The following NEMP1 variants were observed in gnomAD, a reference collection of about 807,000 sequenced individuals.
NEMP1 encodes the protein transmembrane protein 194.
A neutral mutation model predicts 53.7 loss-of-function variants in NEMP1; 29 were observed. The observed-to-expected ratio is 0.54, with a 90% CI of 0.40 to 0.74. NEMP1 has a LOEUF of 0.74. Ranked by LOEUF, NEMP1 falls within the 30% of genes least tolerant of loss-of-function variation. The pLI, the probability that NEMP1 is intolerant of heterozygous loss-of-function variation, is 0.00. For missense variants in NEMP1, 477 were observed against 528.6 expected (o/e 0.90, Z 0.96); for synonymous variants, 193 against 192.9 (o/e 1.00, Z 0.00).
In NEMP1 at chr12:57,063,198, T is replaced by C. The variant is rs1183479557; in HGVS notation, c.901A>G (p.Ile301Val). 3.1e-6 allele frequency: 5 copies of C among 1,614,048 alleles called. No individual in the cohort carries two copies. The African/African-American group carries it at 4.0e-5, about 13-fold the overall frequency. The part of the protein sequence containing the change: ...FMYSGIQIPH[I>V]ALAIIIIALC... ...GCAATGATGATAATGGCAAGGGCAA[T>C]ATGTGGTATCTGGATGCCAGAATAC... Residue 301 changes from isoleucine (I) to valine (V), a missense_variant, in exon 7 of 9, where the codon ATT becomes GTT. Transcript: ENST00000300128.
At chr12:57,086,207 G>C (rs1204110381) in intron 1 of NEMP1, among the ~76,000 whole-genome samples, 1 of 152,170 alleles carries the variant, frequency 6.6e-6, no homozygotes, top group African/African-American at 2.4e-5. Context: ...GCGTAGGGAC[G>C]ACAGTCTCTG....
intron 5 of NEMP1, 105 bp downstream of exon 5, chr12:57,064,541 C>T: frequency 1.3e-6 from 1 of 769,472 alleles, no homozygotes; most frequent in Non-Finnish European, 2.1e-6. Context: ...GATATTGACT[C>T]ATCAGCCATC....
At chr12:57,087,696 T>C (rs779593112) in intron 1 of NEMP1, among the ~76,000 whole-genome samples, 22 of 151,856 alleles carry the variant, frequency 1.4e-4, no homozygotes, top group Non-Finnish European at 2.7e-4. Flanking sequence ...CTAGGCCACA[T>C]TGTAAAACCA....
intron 7 of NEMP1, among the ~76,000 whole-genome samples, chr12:57,061,978 A>G (rs778478794): frequency 8.6e-5 from 13 of 152,032 alleles, no homozygotes; most frequent in Non-Finnish European, 1.9e-4. Flanking sequence ...CAGCCTGGTG[A>G]CAGAGCAAGA....
At position 57,058,598 on chromosome 12, in the gene NEMP1, T is replaced by G. The variant is rs1009252095; in HGVS notation, c.*1281A>C. 6.6e-6 allele frequency: 1 copy of G among 152,238 alleles called. No individual in the cohort carries two copies. The highest frequency in any genetic ancestry group is 6.5e-5 in the Admixed American group (1 of 15,286). The allele number at this position is 152,238 out of a possible 1,614,324, so 9.4% of individuals were successfully genotyped here. ...AATGCTACTGCAATAACAGGCAGCA[T>G]ACATCTCAGGTCAGAAACGCAATCA... On this transcript the variant is annotated 3_prime_UTR_variant, in exon 9 of 9. Coordinates refer to ENST00000300128, the MANE Select transcript of NEMP1 (RefSeq NM_001130963.2).
chr12:57,072,710 A>G (rs1346699352), intron 2 of NEMP1, 78 bp downstream of exon 2: 132 of 1,451,806 alleles, frequency 9.1e-5, no homozygotes, highest in Non-Finnish European at 1.5e-5. Context: ...GTGAAGGGGA[A>G]GAAAGTGTCA....
upstream of NEMP1, among the ~76,000 whole-genome samples, chr12:57,082,022 G>C (rs930751585): frequency 2.0e-5 from 3 of 151,788 alleles, no homozygotes; most frequent in African/African-American, 7.3e-5. Flanking sequence ...TTCAAGACCA[G>C]CCTGGCCACC....
At chr12:57,072,580 C>A (rs1177644987) in intron 2 of NEMP1, among the ~76,000 whole-genome samples, 1 of 152,058 alleles carries the variant, frequency 6.6e-6, no homozygotes. Flanking sequence ...CTTAGAATAC[C>A]GTAATCTACT....
At chr12:57,083,616 T>C (rs1260503815), upstream of NEMP1, among the ~76,000 whole-genome samples, 4 of 152,136 alleles carry the variant, frequency 2.6e-5, no homozygotes, top group Non-Finnish European at 5.9e-5. Flanking sequence ...ATCAAACAAA[T>C]TAATATTTCT....
rs1392014641 is a variant in NEMP1, at chr12:57,063,162, T to C, written c.937A>G (p.Lys313Glu). 1.2e-6 allele frequency: 2 copies of C among 1,614,010 alleles called. No homozygotes were observed. The highest frequency in any genetic ancestry group is 1.7e-6 in the Non-Finnish European group (2 of 1,180,020). ...CACTGAATAGGGTGTTCCAGGTTCT[T>C]AGTACAAAGAGCAATGATGATAATG... Reference protein sequence around the residue: ...LAIIIIALCTKNLEHPIQWLY... With the variant: ...LAIIIIALCTENLEHPIQWLY... Residue 313 changes from lysine (K) to glutamate (E), a missense_variant, in exon 7 of 9, where the codon AAG (lysine) becomes GAG (glutamate). Coordinates refer to ENST00000300128, the MANE Select transcript of NEMP1 (RefSeq NM_001130963.2).
chr12:57,073,026 C>A (rs1381792621), intron 1 of NEMP1, 114 bp from the exon 2 acceptor site: 2 of 879,440 alleles, frequency 2.3e-6, no homozygotes, highest in South Asian at 2.7e-5. Context: ...AAACATTAGC[C>A]AGACTGAGAA....
Position 57,069,240 on chromosome 12 carries a change from A to G in NEMP1, c.539T>C (p.Leu180Pro). The G allele has an allele frequency of 6.5e-7, 1 of 1,546,986 alleles. No homozygotes were observed. The highest frequency in any genetic ancestry group is 8.7e-7 in the Non-Finnish European group (1 of 1,145,580). Residue 180 changes from leucine (L) to proline (P), a missense_variant, in exon 4 of 9, where the codon CTG becomes CCG. Physicochemically the swap from Leu to Pro is moderately conservative, Grantham distance 98. Transcript: ENST00000300128. ...CACTAGCCTTGGAACCTACCTGCTCAGCAAGTCTCCACAAAAAAATAGCAT... is the reference window on the plus strand; with the variant it reads ...CACTAGCCTTGGAACCTACCTGCTCGGCAAGTCTCCACAAAAAAATAGCAT... Reference protein sequence around the residue: ...GLMLFFCGDLLSRSQIFYYST... With the variant: ...GLMLFFCGDLPSRSQIFYYST...
chr12:57,075,170 AG>A (rs2136513598), intron 1 of NEMP1, among the ~76,000 whole-genome samples: 1 of 151,782 alleles, frequency 6.6e-6, no homozygotes, highest in South Asian at 2.1e-4. Flanking sequence ...GTGGATCACC[AG>A]GTCAGCAGAT....
At chr12:57,076,443 C>A (rs1163606079) in intron 1 of NEMP1, among the ~76,000 whole-genome samples, 2 of 150,718 alleles carry the variant, frequency 1.3e-5, no homozygotes, top group African/African-American at 4.9e-5. Flanking sequence ...GCGGGCGGAA[C>A]ACCTGAGGTC....
intron 4 of NEMP1, among the ~76,000 whole-genome samples, chr12:57,068,929 C>T (rs2032219701): frequency 6.6e-6 from 1 of 152,126 alleles, no homozygotes. Flanking sequence ...GTAAAGATGA[C>T]ACCTTAACAC....
intron 7 of NEMP1, among the ~76,000 whole-genome samples, chr12:57,062,429 G>A (rs1212584369): frequency 6.6e-6 from 1 of 151,886 alleles, no homozygotes; most frequent in Non-Finnish European, 1.5e-5. Flanking sequence ...GCAGTGAGCC[G>A]AGATCACGCC....
chr12:57,064,754 T>A lies in NEMP1; in HGVS notation c.546-15A>T, dbSNP rs200052840. 1.7e-5 allele frequency: 27 copies of A among 1,581,432 alleles called. No homozygotes were observed. The highest frequency in any genetic ancestry group is 2.2e-5 in the Non-Finnish European group (25 of 1,152,472). ...AAATTTGACTTCTGCAGGAAAAAAA[T>A]GTATTTCATGACCATATGTATATAT... On this transcript the variant is annotated splice_polypyrimidine_tract_variant and intron_variant, in intron 4 of 8. Transcript: ENST00000300128.
rs559551849 is a variant in NEMP1 at position 57,056,075 on chromosome 12, C to A, written c.*3804G>T. 6.6e-6 allele frequency: 1 copy of A among 152,318 alleles called. No homozygotes were observed. The highest frequency in any genetic ancestry group is 1.9e-4 in the East Asian group (1 of 5,188). The allele number at this position is 152,318 out of a possible 1,614,324, so 9.4% of individuals were successfully genotyped here. A position where few individuals can be genotyped will look rare whatever the true frequency, so the allele number is the denominator to read the frequency against. On this transcript the variant is annotated 3_prime_UTR_variant, in exon 9 of 9. Coordinates refer to ENST00000300128, the MANE Select transcript of NEMP1 (RefSeq NM_001130963.2). Reference sequence around the variant, plus strand: ...GTGTGAAAGAGGAAGATGACACACACGTGGGATGGTGTGGAAATCCAAAGC... The same window carrying A: ...GTGTGAAAGAGGAAGATGACACACAAGTGGGATGGTGTGGAAATCCAAAGC...
intron 4 of NEMP1, among the ~76,000 whole-genome samples, chr12:57,065,676 T>G (rs907806098): frequency 6.6e-6 from 1 of 151,624 alleles, no homozygotes; most frequent in Non-Finnish European, 1.5e-5. Context: ...TTTTTTGTAT[T>G]TTTTGTAAAG....
Sources: gnomAD v4.1 joint callset for allele counts (sites outside exome capture counted in the v4.1 genomes callset) on GRCh38, gnomAD v4.1.1 for gene constraint, MANE v1.5 for transcripts, NCBI Gene and HGNC (gene_info 2026-07-23, HGNC 2026-07-21) for gene names.